The following PATL2 variants were observed in gnomAD, a reference collection of about 807,000 sequenced individuals.
The protein encoded by PATL2 is protein PAT1 homolog 2.
In PATL2, 73 loss-of-function variants were observed where a neutral mutation model predicts 77.0. The ratio of observed to expected loss-of-function variants is 0.95; its 90% CI spans 0.78 to 1.15. The LOEUF (loss-of-function observed/expected upper bound fraction) is 1.15, where lower values mean the gene tolerates loss of function less well. PATL2 is among the 50% of genes most tolerant of loss of function. PATL2 has a pLI of 0.00. For synonymous variants in PATL2, 265 were observed against 257.1 expected (o/e 1.03, Z -0.29); for missense variants, 618 against 655.4 (o/e 0.94, Z 0.62).
intron 3 of PATL2, among the ~76,000 whole-genome samples, chr15:44,686,620 G>T (rs1005038416): frequency 7.9e-5 from 12 of 152,094 alleles, no homozygotes; most frequent in African/African-American, 2.9e-4. Flanking sequence ...GAATCCAGCA[G>T]CTGTTTTTTT....
In PATL2 at chr15:44,665,745, T is replaced by G; in HGVS notation, c.*208A>C. The G allele has an allele frequency of 2.9e-6, 4 of 1,391,478 alleles. No homozygotes were observed. In the South Asian group the frequency reaches 6.0e-5, roughly 21 times the overall value. The allele number at this position is 1,391,478 out of a possible 1,614,324, so 86.2% of individuals were successfully genotyped here. On this transcript the variant is annotated 3_prime_UTR_variant, in exon 18 of 18. Transcript: ENST00000682850. The stretch of plus-strand genomic sequence containing the variant: ...AGTTCCAACACATCATTCTATTATC[T>G]CTTTAATTATACCTTATTATGCCAT...
chr15:44,676,370 A>C, intron 4 of PATL2, 105 bp downstream of exon 4: 1 of 1,045,130 alleles, frequency 9.6e-7, no homozygotes, highest in Non-Finnish European at 1.5e-6. Context: ...AAGAATTTGG[A>C]ATAACTTCCA....
intron 3 of PATL2, among the ~76,000 whole-genome samples, chr15:44,690,456 A>C (rs2086365841): frequency 6.7e-6 from 1 of 149,698 alleles, no homozygotes; most frequent in Non-Finnish European, 1.5e-5. Flanking sequence ...CTCCCACCTC[A>C]GCTTCCTGAG....
At chr15:44,675,922 C>A in intron 4 of PATL2, 1 of 510,144 alleles carries the variant, frequency 2.0e-6, no homozygotes, top group South Asian at 2.9e-5. Context: ...TGGCTCGTGC[C>A]TGTAGTCCCA....
chr15:44,665,975 T>C lies in PATL2; in HGVS notation c.1614-4A>G, dbSNP rs940320146. 1 of 1,538,314 alleles carries C rather than the reference T, an allele frequency of 6.5e-7. No homozygotes were observed. The highest frequency in any genetic ancestry group is 8.8e-7 in the Non-Finnish European group (1 of 1,142,678). Reference sequence around the variant, plus strand: ...AGATCAGTAAATCCAGGCAAACCTATAAAGAGAACAGATATTAACTGCAAG... The same window carrying C: ...AGATCAGTAAATCCAGGCAAACCTACAAAGAGAACAGATATTAACTGCAAG... On this transcript the variant is annotated splice_region_variant and splice_polypyrimidine_tract_variant and intron_variant, in intron 17 of 17. Transcript: ENST00000682850.
Position 44,671,977 on chromosome 15 carries a change from C to T in PATL2, c.657+38G>A, listed in dbSNP as rs566900242. 3 of 1,548,988 alleles carry T rather than the reference C, an allele frequency of 1.9e-6. No homozygotes were observed. In the African/African-American group the frequency reaches 4.1e-5, roughly 21 times the overall value. Reference sequence around the variant, plus strand: ...GCCCGGGAGTCCAGGCCCATTTGACCCAAGGTCAGAGGCTGGGCTGAGTAC... The same window carrying T: ...GCCCGGGAGTCCAGGCCCATTTGACTCAAGGTCAGAGGCTGGGCTGAGTAC... On this transcript the variant is annotated intron_variant, in intron 9 of 17. Coordinates refer to ENST00000682850, the MANE Select transcript of PATL2 (RefSeq NM_001387263.1).
chr15:44,688,403 A>AAAAC lies in PATL2; in HGVS notation c.-75-11842_-75-11839dup, dbSNP rs577757076. Among the ~76,000 whole-genome samples, 327 of 152,164 alleles carry AAAAC rather than the reference A, an allele frequency of 2.1e-3. 2 individuals carry two copies. Among genetic ancestry groups the AAAAC allele is most frequent in the South Asian group, 6.6e-3 (32 of 4,826 alleles). ...CGCATAGCCAAGACAATCCTAAGCA[A>AAAAC]AAACAAACAAACAAACAAACAAAGC... On this transcript the variant is annotated intron_variant, in intron 3 of 17. Coordinates refer to ENST00000682850, the MANE Select transcript of PATL2 (RefSeq NM_001387263.1).
At chr15:44,692,111 G>T (rs533245342) in intron 3 of PATL2, among the ~76,000 whole-genome samples, 1 of 152,038 alleles carries the variant, frequency 6.6e-6, no homozygotes, top group Non-Finnish European at 1.5e-5. Context: ...CATGATAAAC[G>T]GTTAAATAAA....
intron 3 of PATL2, among the ~76,000 whole-genome samples, chr15:44,709,016 A>G (rs1333553101): frequency 6.6e-6 from 1 of 152,108 alleles, no homozygotes; most frequent in Non-Finnish European, 1.5e-5. Flanking sequence ...CTCCTGCCTC[A>G]GCCTCCTGAG....
intron 3 of PATL2, among the ~76,000 whole-genome samples, chr15:44,705,580 T>A (rs1192859062): frequency 6.6e-6 from 1 of 152,160 alleles, no homozygotes; most frequent in Non-Finnish European, 1.5e-5. Context: ...CTCTTCTGAT[T>A]ATATTTTCAA....
At chr15:44,703,723 CTTTTTTTTTTTT>C (rs933165876) in intron 3 of PATL2, among the ~76,000 whole-genome samples, 15 of 33,012 alleles carry the variant, frequency 4.5e-4, no homozygotes, top group South Asian at 2.9e-3. Context: ...CCGGGTCTTG[CTTTTTTTTTTTT>C]TTTTTTTTTT....
At chr15:44,707,310 C>T (rs1427716035) in intron 3 of PATL2, among the ~76,000 whole-genome samples, 1 of 152,078 alleles carries the variant, frequency 6.6e-6, no homozygotes, top group Admixed American at 6.5e-5. Context: ...AATTTCTCCC[C>T]ATAGCCACCA....
At chr15:44,672,512 C>T (rs77672726) in intron 7 of PATL2, 56 bp from the exon 8 acceptor site, 1 of 1,485,034 alleles carries the variant, frequency 6.7e-7, no homozygotes, top group African/African-American at 1.4e-5. Flanking sequence ...TTCTCTGCCC[C>T]CTCCATTCAT....
At chr15:44,678,049 G>A (rs571209555) in intron 3 of PATL2, among the ~76,000 whole-genome samples, 32 of 151,882 alleles carry the variant, frequency 2.1e-4, no homozygotes, top group African/African-American at 6.5e-4. Flanking sequence ...ACAGGGTTTC[G>A]CCATGTTGGC....
At chr15:44,687,336 G>A (rs2086281817) in intron 3 of PATL2, among the ~76,000 whole-genome samples, 1 of 152,174 alleles carries the variant, frequency 6.6e-6, no homozygotes, top group Non-Finnish European at 1.5e-5. Flanking sequence ...TGCAGAAAAG[G>A]CCTTCAACAA....
chr15:44,666,689 G>C (rs1266889588), intron 16 of PATL2, 148 bp from the exon 17 acceptor site: 4 of 794,544 alleles, frequency 5.0e-6, no homozygotes, highest in Non-Finnish European at 7.7e-6. Flanking sequence ...TGTTTGGTAC[G>C]TGCCAAGCAA....
At chr15:44,685,260 A>G (rs1408099550) in intron 3 of PATL2, among the ~76,000 whole-genome samples, 1 of 152,200 alleles carries the variant, frequency 6.6e-6, no homozygotes, top group African/African-American at 2.4e-5. Context: ...TTAACCTTAA[A>G]TGTAAACAGG....
At position 44,665,865 on chromosome 15, in the gene PATL2, A is replaced by G; in HGVS notation, c.*88T>C. 6.5e-7 allele frequency: 1 copy of G among 1,549,610 alleles called. No homozygotes were observed. Among genetic ancestry groups the G allele is most frequent in the South Asian group, 1.2e-5 (1 of 83,900 alleles). The stretch of plus-strand genomic sequence containing the variant: ...ATATAAAGGCATAAGAAATGTCTTC[A>G]GACTCTCTGGATCCCTGTAAACATA... On this transcript the variant is annotated 3_prime_UTR_variant, in exon 18 of 18. Transcript: ENST00000682850.
chr15:44,673,476 A>G, intron 6 of PATL2, 99 bp from the exon 7 acceptor site: 1 of 1,437,286 alleles, frequency 7.0e-7, no homozygotes, highest in Non-Finnish European at 9.4e-7. Flanking sequence ...TTTTCCCCTC[A>G]AGAACTTCAC....
Sources: allele counts gnomAD v4.1 joint callset (sites outside exome capture counted in the v4.1 genomes callset), GRCh38; gene constraint gnomAD v4.1.1; transcripts MANE v1.5; gene names NCBI Gene and HGNC (gene_info 2026-07-23, HGNC 2026-07-21).